ZCCHC24: variants seen among roughly 807,000 people sequenced by gnomAD.
The protein encoded by ZCCHC24 is zinc finger CCHC domain-containing protein 24.
Under a neutral mutation model 26.2 loss-of-function variants are expected in ZCCHC24, and 10 were observed. That is an observed-to-expected ratio of 0.38 (90% CI 0.24 to 0.65). The LOEUF is 0.65. ZCCHC24 is among the 30% of genes least tolerant of loss of function. The pLI is 0.54. For missense variants in ZCCHC24, 243 were observed against 329.1 expected (o/e 0.74, Z 2.03); for synonymous variants, 144 against 147.1 (o/e 0.98, Z 0.15).
chr10:79,443,133 G>A (rs1468655708), intron 1 of ZCCHC24, among the ~76,000 whole-genome samples: 1 of 152,124 alleles, frequency 6.6e-6, no homozygotes, highest in Admixed American at 6.5e-5. Context: ...AAGTCAGGTT[G>A]TGAAAGACAT....
chr10:79,435,712 G>A (rs1279912178), intron 1 of ZCCHC24, among the ~76,000 whole-genome samples: 1 of 152,248 alleles, frequency 6.6e-6, no homozygotes, highest in African/African-American at 2.4e-5. Context: ...CAGGGGCACA[G>A]GGACGCAGAC....
intron 2 of ZCCHC24, among the ~76,000 whole-genome samples, chr10:79,415,665 G>A (rs889987756): frequency 2.0e-5 from 3 of 152,218 alleles, no homozygotes; most frequent in African/African-American, 7.2e-5. Flanking sequence ...GAAAGGCCTT[G>A]TTGATTCTGG....
intron 2 of ZCCHC24, among the ~76,000 whole-genome samples, chr10:79,419,088 G>A (rs372372765): frequency 3.9e-5 from 6 of 152,208 alleles, no homozygotes; most frequent in Non-Finnish European, 8.8e-5. Flanking sequence ...CAGCTGCAGG[G>A]GTGGGTCAGG....
At chr10:79,402,563 C>T (rs1028492812) in intron 2 of ZCCHC24, among the ~76,000 whole-genome samples, 8 of 152,372 alleles carry the variant, frequency 5.3e-5, no homozygotes, top group Admixed American at 6.5e-5. Flanking sequence ...GCGTGAGCCA[C>T]TGTGCCCGGC....
chr10:79,445,181 G>A lies in ZCCHC24; in HGVS notation c.246+14C>T, dbSNP rs1348841819. On this transcript the variant is annotated intron_variant, in intron 1 of 3. Coordinates refer to ENST00000372336, the MANE Select transcript of ZCCHC24 (RefSeq NM_153367.4). Reference sequence around the variant, plus strand: ...GCGGTGGGGCGGTGGGCGGGGGCGCGCGGGGGCACCCACCTCTCCGCGCTG... The same window carrying A: ...GCGGTGGGGCGGTGGGCGGGGGCGCACGGGGGCACCCACCTCTCCGCGCTG... 3 of 1,272,062 alleles carry A rather than the reference G, an allele frequency of 2.4e-6. No homozygotes were observed. Among genetic ancestry groups the A allele is most frequent in the East Asian group, 3.2e-5 (1 of 31,646 alleles). 78.8% of individuals were successfully genotyped at this position (1,272,062 alleles called of 1,614,324 possible).
intron 2 of ZCCHC24, chr10:79,403,330 G>C: frequency 1.1e-6 from 1 of 939,966 alleles, no homozygotes; most frequent in Middle Eastern, 5.5e-4. Context: ...GACAGGGGCA[G>C]CAAGTCTGCC....
At chr10:79,424,800 C>T (rs1022745047) in intron 2 of ZCCHC24, among the ~76,000 whole-genome samples, 1 of 152,188 alleles carries the variant, frequency 6.6e-6, no homozygotes, top group African/African-American at 2.4e-5. Flanking sequence ...GCTCACAGTG[C>T]CCGGAAAGCA....
intron 1 of ZCCHC24, among the ~76,000 whole-genome samples, chr10:79,444,858 C>T (rs1265891335): frequency 6.6e-6 from 1 of 152,208 alleles, no homozygotes; most frequent in African/African-American, 2.4e-5. Flanking sequence ...GGCCGCACCC[C>T]AGCTGTCTGA....
rs769135608 is a variant in ZCCHC24, at chr10:79,445,462, C to T, written c.-22G>A. On this transcript the variant is annotated 5_prime_UTR_variant, in exon 1 of 4. Transcript: ENST00000372336. Reference sequence around the variant, plus strand: ...TCATTTTGTGGCGGCGGTGCCGGCCCCTCCCCGGCCGCCCGCTCGCGGCCC... The same window carrying T: ...TCATTTTGTGGCGGCGGTGCCGGCCTCTCCCCGGCCGCCCGCTCGCGGCCC... 3.6e-5 allele frequency: 50 copies of T among 1,371,198 alleles called. No individual in the cohort carries two copies. Among genetic ancestry groups the T allele is most frequent in the Non-Finnish European group, 4.2e-5 (44 of 1,053,712 alleles). 84.9% of individuals were successfully genotyped at this position (1,371,198 alleles called of 1,614,324 possible).
At chr10:79,413,329 G>A (rs1014670964) in intron 2 of ZCCHC24, among the ~76,000 whole-genome samples, 1 of 151,824 alleles carries the variant, frequency 6.6e-6, no homozygotes, top group Admixed American at 6.6e-5. Flanking sequence ...CCCTCCCCAC[G>A]CCTGACTCCA....
chr10:79,391,744 A>G (rs1248972568), intron 3 of ZCCHC24, among the ~76,000 whole-genome samples: 1 of 151,398 alleles, frequency 6.6e-6, no homozygotes, highest in African/African-American at 2.4e-5. Context: ...CTTCTACCCC[A>G]TCAGAGCTGT....
chr10:79,385,681 A>C lies in ZCCHC24; in HGVS notation c.*664T>G, dbSNP rs1564630258. The stretch of plus-strand genomic sequence containing the variant: ...GTTCACCAGGACGCATCTCTCCAGC[A>C]TTCTGTGCCTCCCCCATGCCTAACC... On this transcript the variant is annotated 3_prime_UTR_variant, in exon 4 of 4. Coordinates refer to ENST00000372336, the MANE Select transcript of ZCCHC24 (RefSeq NM_153367.4). This position sits in a 1 kb window ranked among gnomAD's most constrained non-coding sequence, Gnocchi z 4.3. The C allele has an allele frequency of 6.5e-6, 1 of 154,216 alleles. No individual in the cohort carries two copies. Among genetic ancestry groups the C allele is most frequent in the South Asian group, 2.0e-4 (1 of 4,882 alleles). 9.6% of individuals were successfully genotyped at this position (154,216 alleles called of 1,614,324 possible). A position where few individuals can be genotyped will look rare whatever the true frequency, so the allele number is the denominator to read the frequency against.
intron 2 of ZCCHC24, among the ~76,000 whole-genome samples, chr10:79,427,309 G>C (rs1349992409): frequency 1.3e-5 from 2 of 152,126 alleles, no homozygotes; most frequent in Middle Eastern, 3.2e-3. Flanking sequence ...CAAAGCAGGA[G>C]GAGACATAGA....
intron 2 of ZCCHC24, among the ~76,000 whole-genome samples, chr10:79,421,703 T>C (rs1856939807): frequency 6.6e-6 from 1 of 152,182 alleles, no homozygotes. Flanking sequence ...CTCGGCTCAC[T>C]GCAACCTCCA....
chr10:79,398,765 G>A (rs1856582706), intron 2 of ZCCHC24, among the ~76,000 whole-genome samples: 1 of 152,216 alleles, frequency 6.6e-6, no homozygotes, highest in Admixed American at 6.5e-5. Context: ...CACCACCTGT[G>A]TGCTGGGCTT....
Position 79,445,553 on chromosome 10 carries a change from G to T in ZCCHC24, c.-113C>A. 1.0e-6 allele frequency: 1 copy of T among 981,752 alleles called. No homozygotes were observed. The highest frequency in any genetic ancestry group is 1.7e-5 in the African/African-American group (1 of 58,210). The allele number at this position is 981,752 out of a possible 1,614,324, so 60.8% of individuals were successfully genotyped here. A position where few individuals can be genotyped will look rare whatever the true frequency, so the allele number is the denominator to read the frequency against. Reference sequence around the variant, plus strand: ...CACTGCCCGCCTCCCGAGCCCCGACGGTGATCGCCCCGCGCCCTGCGCCCC... The same window carrying T: ...CACTGCCCGCCTCCCGAGCCCCGACTGTGATCGCCCCGCGCCCTGCGCCCC... On this transcript the variant is annotated 5_prime_UTR_variant, in exon 1 of 4. Transcript: ENST00000372336.
intron 1 of ZCCHC24, 108 bp from the exon 2 acceptor site, chr10:79,432,866 G>T: frequency 1.6e-6 from 2 of 1,220,006 alleles, no homozygotes; most frequent in Non-Finnish European, 1.1e-6. Flanking sequence ...AGCTACCCGA[G>T]GGCTCTGGGC....
intron 2 of ZCCHC24, among the ~76,000 whole-genome samples, chr10:79,408,866 C>A (rs1856754574): frequency 6.6e-6 from 1 of 152,200 alleles, no homozygotes; most frequent in South Asian, 2.1e-4. Context: ...TGGGATAAGC[C>A]CCTTCCCTGC....
chr10:79,441,344 G>A (rs1857289586), intron 1 of ZCCHC24, among the ~76,000 whole-genome samples: 1 of 152,040 alleles, frequency 6.6e-6, no homozygotes, highest in Non-Finnish European at 1.5e-5. Flanking sequence ...GGTTTTAATG[G>A]CCATGTCCAT....
Sources: allele counts gnomAD v4.1 joint callset (sites outside exome capture counted in the v4.1 genomes callset), GRCh38; gene constraint gnomAD v4.1.1; non-coding constraint Gnocchi (gnomAD v3.1); transcripts MANE v1.5; gene names NCBI Gene and HGNC (gene_info 2026-07-23, HGNC 2026-07-21).